The following THADA variants were observed in gnomAD, a reference collection of about 807,000 sequenced individuals.
THADA encodes THADA armadillo repeat containing.
In THADA, 213 loss-of-function variants were observed where a neutral mutation model predicts 219.8. That is an observed-to-expected ratio of 0.97 (90% confidence interval 0.87 to 1.09). THADA has a LOEUF of 1.09. THADA is among the 50% of genes least tolerant of loss of function. The pLI is 0.00. For missense variants in THADA, 2,956 were observed against 2,311.3 expected (o/e 1.28, Z -5.72); for synonymous variants, 1,018 against 828.9 (o/e 1.23, Z -3.92).
At chr2:43,490,494 C>T (rs980608828) in intron 25 of THADA, among the ~76,000 whole-genome samples, 1 of 152,050 alleles carries the variant, frequency 6.6e-6, no homozygotes, top group Admixed American at 6.6e-5. Flanking sequence ...GAGAAATTTC[C>T]CTTCCATTCT....
chr2:43,534,662 C>G (rs1010244951), intron 21 of THADA, among the ~76,000 whole-genome samples: 1 of 152,148 alleles, frequency 6.6e-6, no homozygotes, highest in African/African-American at 2.4e-5. Flanking sequence ...TTTATTATGG[C>G]TGAATAGTAT....
At chr2:43,506,608 G>A (rs1473744460) in intron 23 of THADA, among the ~76,000 whole-genome samples, 1 of 152,170 alleles carries the variant, frequency 6.6e-6, no homozygotes, top group African/African-American at 2.4e-5. Context: ...GACTGCTAAT[G>A]AGTATGGGAG....
Position 43,450,932 on chromosome 2 carries a change from T to G in THADA, c.3837-20630A>C, listed in dbSNP as rs531031909. The stretch of plus-strand genomic sequence containing the variant: ...AGACAGAAAGTAGAATGGTGGTTAC[T>G]GGGGCACTGGAGGAAAAGGGGAATG... On this transcript the variant is annotated intron_variant, in intron 26 of 37. Transcript: ENST00000405975. Among the ~76,000 whole-genome samples the G allele has an allele frequency of 3.8e-4, 58 of 152,276 alleles. 2 individuals carry two copies.
chr2:43,364,758 G>A (rs181985933), intron 29 of THADA, among the ~76,000 whole-genome samples: 14 of 152,274 alleles, frequency 9.2e-5, no homozygotes, highest in Admixed American at 3.3e-4. Context: ...CCCTAGGGCA[G>A]GACAAGGCCT....
intron 26 of THADA, among the ~76,000 whole-genome samples, chr2:43,483,708 A>C (rs1349378558): frequency 6.6e-6 from 1 of 151,802 alleles, no homozygotes; most frequent in East Asian, 1.9e-4. Flanking sequence ...ATACAACCTA[A>C]ATGAGGTTTT....
chr2:43,556,618 T>C, intron 16 of THADA, 63 bp from the exon 17 acceptor site: 1 of 1,464,874 alleles, frequency 6.8e-7, no homozygotes, highest in African/African-American at 1.4e-5. Flanking sequence ...AAAAAAATAG[T>C]AAATTTTTTA....
chr2:43,363,510 A>C (rs1669760303), intron 29 of THADA, among the ~76,000 whole-genome samples: 1 of 152,232 alleles, frequency 6.6e-6, no homozygotes, highest in Non-Finnish European at 1.5e-5. Flanking sequence ...GGCTATCATG[A>C]AAACTTTGTT....
At chr2:43,268,367 A>G (rs1572847279) in intron 36 of THADA, among the ~76,000 whole-genome samples, 1 of 152,138 alleles carries the variant, frequency 6.6e-6, no homozygotes, top group Non-Finnish European at 1.5e-5. Context: ...GATTCCCAAC[A>G]TGCCATTCTA....
At chr2:43,458,093 T>C (rs1377693000) in intron 26 of THADA, among the ~76,000 whole-genome samples, 1 of 152,090 alleles carries the variant, frequency 6.6e-6, no homozygotes, top group Non-Finnish European at 1.5e-5. Flanking sequence ...AACATGAAAA[T>C]ACTGCCAAAG....
intron 7 of THADA, among the ~76,000 whole-genome samples, chr2:43,583,657 G>C (rs1231974978): frequency 6.6e-6 from 1 of 152,200 alleles, no homozygotes; most frequent in Non-Finnish European, 1.5e-5. Flanking sequence ...GGTAGAAACA[G>C]ATCAAATTGT....
intron 29 of THADA, among the ~76,000 whole-genome samples, chr2:43,380,106 G>C (rs1671821097): frequency 6.6e-6 from 1 of 152,186 alleles, no homozygotes; most frequent in East Asian, 1.9e-4. Flanking sequence ...GGTGGGTACT[G>C]GATTCTACAT....
At chr2:43,382,883 TATACCACAAAA>T (rs1313068148) in intron 29 of THADA, among the ~76,000 whole-genome samples, 1 of 152,150 alleles carries the variant, frequency 6.6e-6, no homozygotes, top group Non-Finnish European at 1.5e-5. Flanking sequence ...ACCACATTAC[TATACCACAAAA>T]ATGGCCTCAA....
In THADA at chr2:43,507,409, G is replaced by A. The variant is rs1024198764; in HGVS notation, c.3507+1239C>T. On this transcript the variant is annotated intron_variant, in intron 23 of 37. Coordinates refer to ENST00000405975, the MANE Select transcript of THADA (RefSeq NM_022065.5). ...AGACCTTGATCCTGTCTTAACATTT[G>A]ATCTCAGACAGACAAATGACACGTA... is the stretch of plus-strand genomic sequence containing the variant. Among the ~76,000 whole-genome samples the A allele has an allele frequency of 2.0e-4, 30 of 152,264 alleles. 1 individual carries two copies. Among genetic ancestry groups the A allele is most frequent in the Non-Finnish European group, 2.6e-4 (18 of 68,014 alleles).
chr2:43,398,084 G>C lies in THADA; in HGVS notation c.4114C>G (p.Pro1372Ala). ...GGAATGTGATCTATCATAACAAATG[G>C]GACCAAGGCACGAGCTGCCATTTCA... ...SREMAARALV[P>A]FVMIDHIPNT... Residue 1372 changes from proline to alanine, a missense_variant, in exon 29 of 38, where the codon CCA becomes GCA. Coordinates refer to ENST00000405975, the MANE Select transcript of THADA (RefSeq NM_022065.5). The C allele has an allele frequency of 6.2e-7, 1 of 1,613,964 alleles. No homozygotes were observed. Among genetic ancestry groups the C allele is most frequent in the East Asian group, 2.2e-5 (1 of 44,886 alleles).
chr2:43,272,574 T>C (rs1672254477), intron 36 of THADA, among the ~76,000 whole-genome samples: 1 of 151,400 alleles, frequency 6.6e-6, no homozygotes, highest in Admixed American at 6.6e-5. Flanking sequence ...CTATCTTAAG[T>C]AGGAGTAAGA....
intron 24 of THADA, among the ~76,000 whole-genome samples, chr2:43,501,114 C>T (rs757266781): frequency 1.3e-5 from 2 of 150,884 alleles, no homozygotes; most frequent in East Asian, 1.9e-4. Flanking sequence ...AAAACCAGCC[C>T]GGCCAACATG....
At chr2:43,265,342 A>G (rs1191221885) in intron 36 of THADA, among the ~76,000 whole-genome samples, 1 of 152,240 alleles carries the variant, frequency 6.6e-6, no homozygotes, top group Non-Finnish European at 1.5e-5. Flanking sequence ...TAGTGTGAAA[A>G]ATAAAAACAG....
intron 26 of THADA, among the ~76,000 whole-genome samples, chr2:43,459,435 G>C (rs1300390344): frequency 6.6e-6 from 1 of 152,102 alleles, no homozygotes; most frequent in Non-Finnish European, 1.5e-5. Flanking sequence ...TACTTACTGA[G>C]CTTCTGCTAT....
chr2:43,355,281 T>C (rs1478441769), intron 29 of THADA, among the ~76,000 whole-genome samples: 1 of 152,176 alleles, frequency 6.6e-6, no homozygotes, highest in Admixed American at 6.5e-5. Context: ...CATATGGTAT[T>C]CTAGTTTTGC....
Sources: gnomAD v4.1 joint callset for allele counts (sites outside exome capture counted in the v4.1 genomes callset) on GRCh38, gnomAD v4.1.1 for gene constraint, MANE v1.5 for transcripts, NCBI Gene and HGNC (gene_info 2026-07-23, HGNC 2026-07-21) for gene names.